The following NR2C2 variants were observed in gnomAD, a reference collection of about 807,000 sequenced individuals.
The protein encoded by NR2C2 is Nuclear hormone receptor TR4.
Under a neutral mutation model 62.9 loss-of-function variants are expected in NR2C2, and 6 were observed. The observed-to-expected ratio is 0.10, with a 90% CI of 0.05 to 0.19. The LOEUF (loss-of-function observed/expected upper bound fraction) is 0.19. NR2C2 is among the 10% of genes least tolerant of loss of function. The pLI is 1.00. For missense variants in NR2C2, 479 were observed against 762.7 expected, an observed-to-expected ratio of 0.63 and a Z score of 4.38; for synonymous variants, 272 against 273.8, an observed-to-expected ratio of 0.99 and a Z score of 0.07.
intron 5 of NR2C2, among the ~76,000 whole-genome samples, chr3:15,022,811 A>C (rs1483324717): frequency 1.3e-5 from 2 of 152,198 alleles, no homozygotes; most frequent in Non-Finnish European, 2.9e-5. Flanking sequence ...GGTTTGCTTG[A>C]GCCCAGGATG....
intron 1 of NR2C2, among the ~76,000 whole-genome samples, chr3:14,956,959 T>C (rs1408024496): frequency 6.6e-6 from 1 of 152,238 alleles, no homozygotes; most frequent in African/African-American, 2.4e-5. Context: ...CTTTCAGATT[T>C]CTTTGAGAAA....
At chr3:14,950,910 C>T (rs992954576) in intron 1 of NR2C2, among the ~76,000 whole-genome samples, 1 of 152,178 alleles carries the variant, frequency 6.6e-6, no homozygotes, top group Non-Finnish European at 1.5e-5. Context: ...AAGCCTGTTA[C>T]GGTATTTGGT....
At chr3:14,966,432 A>G (rs2039861017) in intron 1 of NR2C2, among the ~76,000 whole-genome samples, 1 of 152,202 alleles carries the variant, frequency 6.6e-6, no homozygotes, top group African/African-American at 2.4e-5. Flanking sequence ...TAAACAATCA[A>G]AAAATTTAGC....
chr3:15,020,956 A>C, intron 5 of NR2C2, 24 bp downstream of exon 5: 1 of 1,606,970 alleles, frequency 6.2e-7, no homozygotes, highest in Non-Finnish European at 8.5e-7. Flanking sequence ...TTTAAAAACC[A>C]CATGAGTTAA....
At chr3:14,995,320 CAAA>C (rs761643743) in intron 1 of NR2C2, among the ~76,000 whole-genome samples, 3 of 118,084 alleles carry the variant, frequency 2.5e-5, no homozygotes, top group Non-Finnish European at 3.6e-5. Context: ...TTTACCCCCT[CAAA>C]AAAAAAAAAA....
chr3:15,036,879 T>G (rs539536623), intron 11 of NR2C2, among the ~76,000 whole-genome samples: 1 of 152,170 alleles, frequency 6.6e-6, no homozygotes, highest in Non-Finnish European at 1.5e-5. Flanking sequence ...CCCAGCACTT[T>G]GGGAGGCCGA....
At chr3:14,997,626 CAA>C (rs370902977) in intron 1 of NR2C2, among the ~76,000 whole-genome samples, 59 of 152,124 alleles carry the variant, frequency 3.9e-4, no homozygotes, top group African/African-American at 1.3e-3. Context: ...ATTTCTTAGC[CAA>C]GAGAGAGCTA....
chr3:14,978,720 C>T (rs1237029522), intron 1 of NR2C2, among the ~76,000 whole-genome samples: 1 of 152,230 alleles, frequency 6.6e-6, no homozygotes, highest in African/African-American at 2.4e-5. Flanking sequence ...AATACCGATA[C>T]TTTCACTTGG....
chr3:15,002,082 T>G (rs892231392), intron 1 of NR2C2, among the ~76,000 whole-genome samples: 1 of 152,360 alleles, frequency 6.6e-6, no homozygotes, highest in Non-Finnish European at 1.5e-5. Context: ...TTCTTTTTCT[T>G]TCCTAATTGC....
At chr3:14,990,348 A>G (rs568550140) in intron 1 of NR2C2, among the ~76,000 whole-genome samples, 56 of 152,280 alleles carry the variant, frequency 3.7e-4, no homozygotes, top group Non-Finnish European at 7.6e-4. Flanking sequence ...GTGAAGGGAG[A>G]ACTTTGTAAA....
At chr3:14,996,308 TTAAAA>T (rs1443040030) in intron 1 of NR2C2, among the ~76,000 whole-genome samples, 1 of 152,226 alleles carries the variant, frequency 6.6e-6, no homozygotes, top group Admixed American at 6.5e-5. Flanking sequence ...ATTTAATATT[TTAAAA>T]TAAAATACAA....
intron 1 of NR2C2, among the ~76,000 whole-genome samples, chr3:14,953,258 TC>T (rs1306447298): frequency 6.6e-6 from 1 of 152,232 alleles, no homozygotes; most frequent in Non-Finnish European, 1.5e-5. Flanking sequence ...GGTGAAACTT[TC>T]TATTCCATAA....
intron 1 of NR2C2, among the ~76,000 whole-genome samples, chr3:14,973,233 AT>A (rs906137460): frequency 8.6e-5 from 13 of 151,880 alleles, no homozygotes; most frequent in African/African-American, 3.1e-4. Flanking sequence ...ATTTTCCTCT[AT>A]GATTTTTTTT....
chr3:15,030,178 C>CT, intron 8 of NR2C2, 97 bp from the exon 9 acceptor site: 1 of 1,024,726 alleles, frequency 9.8e-7, no homozygotes, highest in Non-Finnish European at 1.4e-6. Flanking sequence ...ATTTAATTAT[C>CT]TTTTCCCACT....
intron 4 of NR2C2, among the ~76,000 whole-genome samples, chr3:15,018,005 C>T (rs1362906678): frequency 2.0e-5 from 3 of 152,062 alleles, no homozygotes; most frequent in East Asian, 1.9e-4. Context: ...AAGGAGGGGC[C>T]GCTTTTTTTT....
chr3:14,998,528 T>G (rs950170752), intron 1 of NR2C2, among the ~76,000 whole-genome samples: 3 of 152,252 alleles, frequency 2.0e-5, no homozygotes, highest in African/African-American at 7.2e-5. Context: ...CCTTGGAACA[T>G]CTTTTCCTGT....
At chr3:15,011,280 G>A (rs767167804) in intron 2 of NR2C2, among the ~76,000 whole-genome samples, 15 of 152,190 alleles carry the variant, frequency 9.9e-5, no homozygotes, top group African/African-American at 1.9e-4. Context: ...TTGAGACTGC[G>A]GTGAGCCATG....
rs549058984 is a variant in NR2C2 at position 15,037,241 on chromosome 3, T to G, written c.1373-759T>G. ...TGTGTGTGTGTGTGTGTGTGTGTGT[T>G]TTTGTTTTTTGTAGAGACAGAGTCT... On this transcript the variant is annotated intron_variant, in intron 11 of 13. Transcript: ENST00000425241. Among the ~76,000 whole-genome samples, 1,083 of 138,512 alleles carry G rather than the reference T, an allele frequency of 7.8e-3. 6 individuals carry two copies. The highest frequency in any genetic ancestry group is 0.021 in the African/African-American group (821 of 38,470). 90.9% of individuals were successfully genotyped at this position (138,512 alleles called of 152,430 possible).
At chr3:14,979,648 G>C (rs181567775) in intron 1 of NR2C2, among the ~76,000 whole-genome samples, 1 of 152,226 alleles carries the variant, frequency 6.6e-6, no homozygotes, top group Admixed American at 6.5e-5. Flanking sequence ...GGGGGTTACA[G>C]AGGTGGGGAA....
Sources: allele counts gnomAD v4.1 joint callset (sites outside exome capture counted in the v4.1 genomes callset), GRCh38; gene constraint gnomAD v4.1.1; transcripts MANE v1.5; gene names NCBI Gene and HGNC (gene_info 2026-07-23, HGNC 2026-07-21).